CNTNAP2: variants seen among roughly 807,000 people sequenced by gnomAD.
CNTNAP2 encodes the protein contactin associated protein 2.
CNTNAP2 carries 98 observed loss-of-function variants against 155.2 expected under a neutral mutation model. That is an observed-to-expected ratio of 0.63 (90% CI 0.54 to 0.75). The LOEUF (loss-of-function observed/expected upper bound fraction) is 0.75. CNTNAP2 is among the 30% of genes least tolerant of loss of function. The probability of loss-of-function intolerance (pLI) is 0.00; values close to 1 mark genes in which losing one functional copy is unlikely to be tolerated. For synonymous variants in CNTNAP2, 651 were observed against 631.2 expected (o/e 1.03, Z -0.47); for missense variants, 1,727 against 1,688.1 (o/e 1.02, Z -0.40).
chr7:146,118,329 A>G (rs767328560), intron 1 of CNTNAP2, among the ~76,000 whole-genome samples: 1 of 152,180 alleles, frequency 6.6e-6, no homozygotes, highest in Non-Finnish European at 1.5e-5. Flanking sequence ...TTATAACACA[A>G]GTTAAATCAC....
chr7:147,842,571 TTTACTTTTTACTTTTC>T (rs1798765137), intron 13 of CNTNAP2, among the ~76,000 whole-genome samples: 1 of 137,092 alleles, frequency 7.3e-6, no homozygotes, highest in African/African-American at 2.7e-5. Flanking sequence ...TTTTTTTTTT[TTTACTTTTTACTTTTC>T]TTTTTTTTTT....
chr7:147,406,530 A>G (rs774244550), intron 10 of CNTNAP2, among the ~76,000 whole-genome samples: 1 of 152,196 alleles, frequency 6.6e-6, no homozygotes. Flanking sequence ...CCCAAAAACT[A>G]GTTTTAAGAG....
At chr7:146,569,958 C>T (rs914655334) in intron 1 of CNTNAP2, among the ~76,000 whole-genome samples, 4 of 152,154 alleles carry the variant, frequency 2.6e-5, no homozygotes, top group East Asian at 1.9e-4. Flanking sequence ...AATGCATGAG[C>T]TCCCAAGGCC....
intron 3 of CNTNAP2, among the ~76,000 whole-genome samples, chr7:146,906,820 G>C (rs1585149922): frequency 6.6e-6 from 1 of 150,920 alleles, no homozygotes; most frequent in East Asian, 1.9e-4. Flanking sequence ...TTGACGAGCT[G>C]AGAGAAGAAG....
intron 1 of CNTNAP2, among the ~76,000 whole-genome samples, chr7:146,623,516 T>TA (rs1397152725): frequency 1.3e-5 from 2 of 152,316 alleles, no homozygotes; most frequent in East Asian, 1.9e-4. Context: ...AATATAATGA[T>TA]AAAATACTTA....
intron 1 of CNTNAP2, among the ~76,000 whole-genome samples, chr7:146,170,795 A>C (rs1347144050): frequency 1.3e-5 from 2 of 152,132 alleles, no homozygotes; most frequent in Admixed American, 1.3e-4. Context: ...TGGGAGGCCG[A>C]GGCAGGCGGA....
intron 13 of CNTNAP2, among the ~76,000 whole-genome samples, chr7:147,733,667 C>T (rs1796785672): frequency 6.6e-6 from 1 of 152,170 alleles, no homozygotes; most frequent in African/African-American, 2.4e-5. Context: ...AATGTTCTTC[C>T]ATTTGTTTGT....
At chr7:147,390,794 G>T (rs574236113) in intron 9 of CNTNAP2, among the ~76,000 whole-genome samples, 1 of 152,108 alleles carries the variant, frequency 6.6e-6, no homozygotes, top group Non-Finnish European at 1.5e-5. Flanking sequence ...TATACAGGCC[G>T]TAAATATTAG....
chr7:146,529,206 C>T (rs17170133), intron 1 of CNTNAP2, among the ~76,000 whole-genome samples: 10,403 of 152,026 alleles, frequency 0.068, 895 homozygotes, highest in African/African-American at 0.2. Flanking sequence ...TGAGAAACTT[C>T]GTGTTTATTT....
chr7:148,114,997 G>A (rs1804435324), intron 15 of CNTNAP2, among the ~76,000 whole-genome samples: 2 of 152,166 alleles, frequency 1.3e-5, no homozygotes, highest in African/African-American at 2.4e-5. Flanking sequence ...CTCATCCAGA[G>A]ATTTGAGATA....
At chr7:146,747,048 A>T (rs190322872) in intron 1 of CNTNAP2, among the ~76,000 whole-genome samples, 1 of 152,128 alleles carries the variant, frequency 6.6e-6, no homozygotes, top group Non-Finnish European at 1.5e-5. Context: ...TAATCCATCT[A>T]TGTAGCTCTG....
chr7:146,632,727 TATA>T (rs1379757391), intron 1 of CNTNAP2, among the ~76,000 whole-genome samples: 1 of 152,028 alleles, frequency 6.6e-6, no homozygotes, highest in Non-Finnish European at 1.5e-5. Flanking sequence ...ACTTTTTAAA[TATA>T]ATTTAAGAAT....
At chr7:148,342,303 C>G (rs1015450765) in intron 21 of CNTNAP2, among the ~76,000 whole-genome samples, 1 of 152,094 alleles carries the variant, frequency 6.6e-6, no homozygotes, top group Non-Finnish European at 1.5e-5. Context: ...AAACTGGCCT[C>G]GAATTTATTT....
chr7:146,659,145 A>C (rs1448887760), intron 1 of CNTNAP2, among the ~76,000 whole-genome samples: 1 of 152,140 alleles, frequency 6.6e-6, no homozygotes, highest in African/African-American at 2.4e-5. Flanking sequence ...AGTCTTAGAA[A>C]TTTTAGTTTT....
In CNTNAP2 at chr7:147,491,101, G is replaced by T. The variant is rs192914309; in HGVS notation, c.1777+5060G>T. Among the ~76,000 whole-genome samples the T allele has an allele frequency of 4.6e-3, 699 of 152,184 alleles. 7 individuals carry two copies. The highest frequency in any genetic ancestry group is 6.4e-3 in the Non-Finnish European group (435 of 68,008). On this transcript the variant is annotated intron_variant, in intron 11 of 23. Coordinates refer to ENST00000361727, the MANE Select transcript of CNTNAP2 (RefSeq NM_014141.6). The stretch of plus-strand genomic sequence containing the variant: ...GGGACACAGAGCCAAACCATAGCAG[G>T]TATCTAAAATAAAATTTAGATATTT...
At chr7:147,313,580 C>T (rs549637864) in intron 9 of CNTNAP2, among the ~76,000 whole-genome samples, 9,819 of 145,220 alleles carry the variant, frequency 0.068, 605 homozygotes, top group African/African-American at 0.17. Flanking sequence ...TGTAGATATG[C>T]AGCGTTATTT....
chr7:147,914,988 T>C (rs1800135603), intron 14 of CNTNAP2, among the ~76,000 whole-genome samples: 1 of 152,246 alleles, frequency 6.6e-6, no homozygotes, highest in Non-Finnish European at 1.5e-5. Context: ...TGTCCCATTG[T>C]ACATCTTATA....
intron 4 of CNTNAP2, among the ~76,000 whole-genome samples, chr7:147,091,541 T>A (rs2129273210): frequency 6.6e-6 from 1 of 152,150 alleles, no homozygotes; most frequent in Non-Finnish European, 1.5e-5. Context: ...AACCTCCGCC[T>A]ACGGGGTTCA....
intron 21 of CNTNAP2, among the ~76,000 whole-genome samples, chr7:148,314,931 C>A (rs1267961415): frequency 1.3e-5 from 2 of 151,832 alleles, no homozygotes; most frequent in Admixed American, 6.6e-5. Context: ...TTCGTCTCTA[C>A]CAGAAAAGGA....
Sources: allele counts gnomAD v4.1 joint callset (sites outside exome capture counted in the v4.1 genomes callset), GRCh38; gene constraint gnomAD v4.1.1; transcripts MANE v1.5; gene names NCBI Gene and HGNC (gene_info 2026-07-23, HGNC 2026-07-21).